The following HAGH variants were observed in gnomAD, a reference collection of about 807,000 sequenced individuals.
The protein encoded by HAGH is hydroxyacylglutathione hydrolase, mitochondrial.
HAGH carries 29 observed loss-of-function variants against 35.1 expected under a neutral mutation model. The ratio of observed to expected loss-of-function variants is 0.83; its 90% CI spans 0.62 to 1.13. The LOEUF is 1.13. Among genes scored for constraint, HAGH ranks in the 50% most tolerant of loss-of-function variants. The pLI, the probability that HAGH is intolerant of heterozygous loss-of-function variation, is 0.00. For missense variants in HAGH, 478 were observed against 419.6 expected, an observed-to-expected ratio of 1.14 and a Z score of -1.22; for synonymous variants, 225 against 176.1, an observed-to-expected ratio of 1.28 and a Z score of -2.20.
Position 1,809,376 on chromosome 16 carries a change from C to G in HAGH, c.834G>C (p.Lys278Asn). The G allele has an allele frequency of 6.2e-7, 1 of 1,610,154 alleles. No individual in the cohort carries two copies. The highest frequency in any genetic ancestry group is 8.5e-7 in the Non-Finnish European group (1 of 1,179,588). Residue 278 changes from lysine to asparagine, a missense_variant, in exon 9 of 9, where the codon AAG becomes AAC. Physicochemically the swap from Lys to Asn is moderately conservative, Grantham distance 94. Transcript: ENST00000397356. ...TYNPFMRVRE[K>N]TVQQHAGETD... is the part of the protein sequence containing the mutation. Reference sequence around the variant, plus strand: ...TCTCACCTGCGTGCTGCTGCACCGTCTTCTCCCTGCGGAGGCCAGCACCGG... The same window carrying G: ...TCTCACCTGCGTGCTGCTGCACCGTGTTCTCCCTGCGGAGGCCAGCACCGG...
intron 1 of HAGH, among the ~76,000 whole-genome samples, chr16:1,825,102 G>A (rs3760034): frequency 0.087 from 13,217 of 152,106 alleles, 708 homozygotes; most frequent in East Asian, 0.23. Flanking sequence ...GCGGATCGCG[G>A]GGTCAGGAGT....
chr16:1,809,039 G>A lies in HAGH; in HGVS notation c.*244C>T. 2.1e-6 allele frequency: 1 copy of A among 477,534 alleles called. No homozygotes were observed. The highest frequency in any genetic ancestry group is 3.3e-5 in the East Asian group (1 of 30,256). 29.6% of individuals were successfully genotyped at this position (477,534 alleles called of 1,614,324 possible). A position where few individuals can be genotyped will look rare whatever the true frequency, so the allele number is the denominator to read the frequency against. On this transcript the variant is annotated 3_prime_UTR_variant, in exon 9 of 9. Coordinates refer to ENST00000397356, the MANE Select transcript of HAGH (RefSeq NM_005326.6). ...GGGACTGCAGTGGCTCACGGAGGAG[G>A]AAGGAGGCCCGAGGGGACAAGCAGA...
chr16:1,812,896 G>A (rs1359176209), intron 7 of HAGH, among the ~76,000 whole-genome samples: 2 of 126,422 alleles, frequency 1.6e-5, no homozygotes, highest in Non-Finnish European at 1.8e-5. Context: ...TCCACCGTGT[G>A]GTGTGCCGAA....
At chr16:1,814,928 TATAC>T (rs1271976774) in intron 7 of HAGH, among the ~76,000 whole-genome samples, 18 of 28,088 alleles carry the variant, frequency 6.4e-4, no homozygotes, top group East Asian at 1.2e-3. Context: ...TATATATGTA[TATAC>T]ACACACACAC....
At chr16:1,815,269 C>T (rs931285823) in intron 7 of HAGH, among the ~76,000 whole-genome samples, 2 of 152,166 alleles carry the variant, frequency 1.3e-5, no homozygotes, top group Admixed American at 6.5e-5. Context: ...AACAGTACAA[C>T]CATTTTTGGA....
chr16:1,823,826 A>T (rs1258126094), intron 1 of HAGH, among the ~76,000 whole-genome samples: 1 of 150,228 alleles, frequency 6.7e-6, no homozygotes, highest in East Asian at 2.0e-4. Context: ...TCATGCTCAC[A>T]TTCATGGAAA....
At position 1,821,959 on chromosome 16, in the gene HAGH, T is replaced by G. The variant is rs1257126997; in HGVS notation, c.314+341A>C. The G allele has an allele frequency of 4.7e-5, 10 of 212,536 alleles. 1 individual carries two copies. Among genetic ancestry groups the G allele is most frequent in the East Asian group, 1.9e-4 (2 of 10,296 alleles). The allele number at this position is 212,536 out of a possible 1,614,324, so 13.2% of individuals were successfully genotyped here. A position where few individuals can be genotyped will look rare whatever the true frequency, so the allele number is the denominator to read the frequency against. On this transcript the variant is annotated intron_variant, in intron 3 of 8. Transcript: ENST00000397356. ...GTTTTTTTTTGTTTTTTTGTTTTTT[T>G]TTTTTTTAAAAACCACTCACCTGTA...
At chr16:1,817,325 C>T in intron 5 of HAGH, 54 bp from the exon 6 acceptor site, 2 of 1,124,536 alleles carry the variant, frequency 1.8e-6, no homozygotes, top group Middle Eastern at 1.9e-4. Context: ...GTGGCTAGGA[C>T]TCAGGAGGGG....
intron 6 of HAGH, 84 bp from the exon 7 acceptor site, chr16:1,817,078 G>A (rs956195858): frequency 7.5e-6 from 10 of 1,334,212 alleles, no homozygotes; most frequent in Admixed American, 1.7e-5. Context: ...TGCCCCCGGG[G>A]GGTGTCCGGT....
intron 7 of HAGH, among the ~76,000 whole-genome samples, chr16:1,813,846 G>A (rs1209536309): frequency 5.9e-5 from 9 of 152,210 alleles, no homozygotes; most frequent in African/African-American, 2.2e-4. Context: ...GGACACCGTG[G>A]CAAGTCATAG....
chr16:1,817,025 A>C (rs1897929542), intron 6 of HAGH, 31 bp from the exon 7 acceptor site: 1 of 1,503,008 alleles, frequency 6.7e-7, no homozygotes, highest in Non-Finnish European at 9.3e-7. Context: ...TGAGCTCGGA[A>C]GGCTGTTACC....
At position 1,817,202 on chromosome 16, in the gene HAGH, A is replaced by G. The variant is rs1897943667; in HGVS notation, c.611T>C (p.Leu204Pro). ...GGGGAGCCGGCCCAAGACCTCCAGC[A>G]GAGCTTTACACATCTCATCCGCAGT... is the stretch of plus-strand genomic sequence containing the variant. Reference protein sequence around the residue: ...EGTADEMCKALLEVLGRLPPD... With the variant: ...EGTADEMCKAPLEVLGRLPPD... Residue 204 changes from leucine to proline, a missense_variant, in exon 6 of 9, where the codon CTG becomes CCG. Transcript: ENST00000397356. 1.2e-6 allele frequency: 2 copies of G among 1,612,864 alleles called. No individual in the cohort carries two copies. Among genetic ancestry groups the G allele is most frequent in the Admixed American group, 3.3e-5 (2 of 60,022 alleles).
At chr16:1,811,590 G>A (rs775993388) in intron 7 of HAGH, among the ~76,000 whole-genome samples, 41 of 152,116 alleles carry the variant, frequency 2.7e-4, no homozygotes, top group Non-Finnish European at 5.0e-4. Context: ...GCACATGTCT[G>A]TAATTCCAGC....
chr16:1,814,474 C>CAA (rs57787455), intron 7 of HAGH, among the ~76,000 whole-genome samples: 17 of 95,076 alleles, frequency 1.8e-4, no homozygotes, highest in Admixed American at 4.8e-4. Context: ...AACTCCGTCT[C>CAA]AAAAAAAAAA....
rs767377447 is a variant in HAGH, at chr16:1,819,045, G to A, written c.541+70C>T. On this transcript the variant is annotated intron_variant, in intron 5 of 8. Transcript: ENST00000397356. ...AGAGAAGGCCACGAAGCTGCCCCGT[G>A]AGCCTGCCTGGCAGGAGACACAGGG... 3.1e-6 allele frequency: 3 copies of A among 983,546 alleles called. No homozygotes were observed. The African/African-American group carries it at 4.8e-5, about 16-fold the overall frequency. The allele number at this position is 983,546 out of a possible 1,614,324, so 60.9% of individuals were successfully genotyped here. A position where few individuals can be genotyped will look rare whatever the true frequency, so the allele number is the denominator to read the frequency against.
chr16:1,809,877 T>C (rs1178747632), intron 7 of HAGH, 44 bp from the exon 8 acceptor site: 2 of 1,468,854 alleles, frequency 1.4e-6, no homozygotes, highest in African/African-American at 2.8e-5. Context: ...CTTCACAGGA[T>C]GGCAGACCAG....
At chr16:1,818,794 C>T (rs183002740) in intron 5 of HAGH, 80 of 328,930 alleles carry the variant, frequency 2.4e-4, no homozygotes, top group African/African-American at 1.6e-3. Flanking sequence ...CATCAAGGAA[C>T]ACAGCCCCAG....
Position 1,815,932 on chromosome 16 carries a change from A to ATT in HAGH, c.747+959_747+960dup, listed in dbSNP as rs61101799. Among the ~76,000 whole-genome samples the ATT allele has an allele frequency of 1.7e-3, 173 of 102,246 alleles. 4 individuals are homozygous for ATT. Among genetic ancestry groups the ATT allele is most frequent in the East Asian group, 2.4e-3 (8 of 3,312 alleles). 67.1% of individuals were successfully genotyped at this position (102,246 alleles called of 152,430 possible). A position where few individuals can be genotyped will look rare whatever the true frequency, so the allele number is the denominator to read the frequency against. The stretch of plus-strand genomic sequence containing the variant: ...TACTCAAGAGGCTGAGGCAGGGAGA[A>ATT]TTTTTTTTTTTTTTTTTTTTTTTTT... On this transcript the variant is annotated intron_variant, in intron 7 of 8. Transcript: ENST00000397356.
In HAGH at chr16:1,825,580, C is replaced by CA. The variant is rs199747798; in HGVS notation, c.76+1131dup. On this transcript the variant is annotated intron_variant, in intron 1 of 8. Transcript: ENST00000397356. Reference sequence around the variant, plus strand: ...AACATGTTCGGTTTGGCCCCAAAAACAAAAAAAAATTGAGATATGGTCTCA... The same window carrying CA: ...AACATGTTCGGTTTGGCCCCAAAAACAAAAAAAAAATTGAGATATGGTCTCA... 6.5e-3 allele frequency among the ~76,000 whole-genome samples: 980 copies of CA among 151,086 alleles called. 5 individuals are homozygous for CA. Among genetic ancestry groups the CA allele is most frequent in the African/African-American group, 0.02 (808 of 41,178 alleles).
Sources: gnomAD v4.1 joint callset for allele counts (sites outside exome capture counted in the v4.1 genomes callset) on GRCh38, gnomAD v4.1.1 for gene constraint, MANE v1.5 for transcripts, NCBI Gene and HGNC (gene_info 2026-07-23, HGNC 2026-07-21) for gene names.